GUCA1C: variants seen among roughly 807,000 people sequenced by gnomAD.
The protein encoded by GUCA1C is guanylyl cyclase-activating protein 3.
A neutral mutation model predicts 16.2 loss-of-function variants in GUCA1C; 15 were observed. The observed-to-expected ratio is 0.93, with a 90% confidence interval of 0.62 to 1.43. The LOEUF (loss-of-function observed/expected upper bound fraction) is 1.43. Among genes scored for constraint, GUCA1C ranks in the 40% most tolerant of loss-of-function variants. The pLI is 0.00. For synonymous variants in GUCA1C, 78 were observed against 85.4 expected, an observed-to-expected ratio of 0.91 and a Z score of 0.48; for missense variants, 275 against 244.8, an observed-to-expected ratio of 1.12 and a Z score of -0.82.
chr3:108,921,486 G>C (rs188469891), intron 1 of GUCA1C, among the ~76,000 whole-genome samples: 1 of 152,180 alleles, frequency 6.6e-6, no homozygotes, highest in Non-Finnish European at 1.5e-5. Flanking sequence ...ATATGTAGGA[G>C]TATGTTTAGT....
intron 3 of GUCA1C, among the ~76,000 whole-genome samples, chr3:108,911,575 A>G (rs1033750841): frequency 1.3e-5 from 2 of 152,178 alleles, no homozygotes; most frequent in African/African-American, 4.8e-5. Flanking sequence ...TGGCACTAGA[A>G]GCATTTAGCA....
chr3:108,910,450 A>G (rs1437817167), intron 3 of GUCA1C, among the ~76,000 whole-genome samples: 1 of 150,890 alleles, frequency 6.6e-6, no homozygotes. Context: ...GTGAGCCGAG[A>G]TGGCGCCACT....
intron 1 of GUCA1C, among the ~76,000 whole-genome samples, chr3:108,942,657 AC>A (rs1465441077): frequency 1.3e-5 from 2 of 152,194 alleles, no homozygotes; most frequent in East Asian, 3.8e-4. Context: ...GCAGCCCTTA[AC>A]ACCATGGGTC....
chr3:108,942,697 G>C (rs1459105402), intron 1 of GUCA1C, among the ~76,000 whole-genome samples: 1 of 152,188 alleles, frequency 6.6e-6, no homozygotes, highest in Non-Finnish European at 1.5e-5. Context: ...CACAGAGTTA[G>C]TACAATGTGA....
chr3:108,936,842 G>C (rs1278578114), intron 1 of GUCA1C, among the ~76,000 whole-genome samples: 5 of 152,170 alleles, frequency 3.3e-5, no homozygotes, highest in African/African-American at 1.2e-4. Context: ...GCCTCCTGGA[G>C]ACTTTGAGCC....
chr3:108,944,627 GC>G (rs918325246), intron 1 of GUCA1C, among the ~76,000 whole-genome samples: 1 of 152,134 alleles, frequency 6.6e-6, no homozygotes, highest in African/African-American at 2.4e-5. Context: ...TCATATATAA[GC>G]CCCTAATGCA....
chr3:108,914,503 C>G (rs1291983050), intron 3 of GUCA1C, among the ~76,000 whole-genome samples: 4 of 152,210 alleles, frequency 2.6e-5, no homozygotes, highest in African/African-American at 9.6e-5. Flanking sequence ...TCCTATTCCC[C>G]TCACTCCTAG....
At chr3:108,939,323 G>GTTTTTTTTTTTTTTTTTTTTT (rs1491279760) in intron 1 of GUCA1C, among the ~76,000 whole-genome samples, 1 of 33,224 alleles carries the variant, frequency 3.0e-5, no homozygotes, top group Non-Finnish European at 7.9e-5. Flanking sequence ...TTGCTTCAAG[G>GTTTTTTTTTTTTTTTTTTTTT]CTTTTTTTTT....
intron 1 of GUCA1C, among the ~76,000 whole-genome samples, chr3:108,937,843 A>C (rs1361759792): frequency 1.3e-5 from 2 of 152,074 alleles, no homozygotes; most frequent in Non-Finnish European, 2.9e-5. Flanking sequence ...GAGGCCGAGG[A>C]GGGTGGATCA....
intron 1 of GUCA1C, among the ~76,000 whole-genome samples, chr3:108,921,128 T>G (rs976361550): frequency 5.9e-5 from 9 of 152,240 alleles, no homozygotes; most frequent in African/African-American, 2.2e-4. Context: ...ATTAATCTTT[T>G]TACGGTCTCC....
At chr3:108,936,262 GA>G (rs1489381273) in intron 1 of GUCA1C, among the ~76,000 whole-genome samples, 4 of 149,540 alleles carry the variant, frequency 2.7e-5, no homozygotes, top group Non-Finnish European at 5.9e-5. Flanking sequence ...ACCCTGTCTC[GA>G]AAAAAAAGGC....
chr3:108,907,900 T>A lies in GUCA1C; in HGVS notation c.*122A>T. ...CTACTGGATTAAAATAAGTGCTATA[T>A]TCACAAGCCTATATGAATTATAACA... is the stretch of plus-strand genomic sequence containing the variant. On this transcript the variant is annotated 3_prime_UTR_variant, in exon 4 of 4. Coordinates refer to ENST00000261047, the MANE Select transcript of GUCA1C (RefSeq NM_005459.4). 1.5e-6 allele frequency: 1 copy of A among 684,052 alleles called. No individual in the cohort carries two copies. 42.4% of individuals were successfully genotyped at this position (684,052 alleles called of 1,614,324 possible).
At chr3:108,922,417 T>A (rs1447161572) in intron 1 of GUCA1C, among the ~76,000 whole-genome samples, 1 of 152,232 alleles carries the variant, frequency 6.6e-6, no homozygotes, top group African/African-American at 2.4e-5. Flanking sequence ...ATCTCCACAC[T>A]GTTTCACATA....
chr3:108,950,562 T>C (rs2593923), intron 1 of GUCA1C, among the ~76,000 whole-genome samples: 53,245 of 152,038 alleles, frequency 0.35, 9,807 homozygotes, highest in Middle Eastern at 0.49. Context: ...TCAGAAAGTG[T>C]TATTGTTATT....
chr3:108,924,414 T>A (rs6799772), intron 1 of GUCA1C, among the ~76,000 whole-genome samples: 65,047 of 151,936 alleles, frequency 0.43, 14,204 homozygotes, highest in African/African-American at 0.45. Flanking sequence ...GTGATTTTTT[T>A]AAATTCTGTT....
At chr3:108,909,522 A>G (rs1469845962) in intron 3 of GUCA1C, among the ~76,000 whole-genome samples, 1 of 152,156 alleles carries the variant, frequency 6.6e-6, no homozygotes, top group East Asian at 1.9e-4. Context: ...AACCCCAAAG[A>G]CTTTTCAAAT....
At chr3:108,940,848 G>A (rs987809079) in intron 1 of GUCA1C, among the ~76,000 whole-genome samples, 3 of 152,120 alleles carry the variant, frequency 2.0e-5, no homozygotes, top group Non-Finnish European at 4.4e-5. Flanking sequence ...TGAGCTCAAC[G>A]ATAATGCAGG....
At chr3:108,910,146 G>A (rs1311248750) in intron 3 of GUCA1C, among the ~76,000 whole-genome samples, 1 of 152,146 alleles carries the variant, frequency 6.6e-6, no homozygotes, top group Admixed American at 6.5e-5. Context: ...AAAAGAATGG[G>A]CTTCCGTATT....
chr3:108,954,916 T>TTAG, upstream of GUCA1C, among the ~76,000 whole-genome samples: 1 of 152,056 alleles, frequency 6.6e-6, no homozygotes, highest in Admixed American at 6.6e-5. Flanking sequence ...TTTTGTATTT[T>TTAG]TAGTAGACAT....
Sources: gnomAD v4.1 joint callset for allele counts (sites outside exome capture counted in the v4.1 genomes callset) on GRCh38, gnomAD v4.1.1 for gene constraint, MANE v1.5 for transcripts, NCBI Gene and HGNC (gene_info 2026-07-23, HGNC 2026-07-21) for gene names.